Variants in ACADM observed in about 807,000 individuals in gnomAD.
ACADM encodes medium-chain specific acyl-CoA dehydrogenase, mitochondrial.
In ACADM, 49 loss-of-function variants were observed where a neutral mutation model predicts 58.9. The observed-to-expected ratio is 0.83, with a 90% CI of 0.66 to 1.06. The LOEUF is 1.06. Among genes scored for constraint, ACADM ranks in the 50% least tolerant of loss-of-function variants. The probability of loss-of-function intolerance (pLI) is 0.00; values close to 1 mark genes in which losing one functional copy is unlikely to be tolerated. For synonymous variants in ACADM, 160 were observed against 157.7 expected (o/e 1.01, Z -0.11); for missense variants, 496 against 507.0 (o/e 0.98, Z 0.21).
intron 10 of ACADM, among the ~76,000 whole-genome samples, chr1:75,754,105 A>C (rs1648362740): frequency 6.7e-6 from 1 of 149,236 alleles, no homozygotes; most frequent in African/African-American, 2.5e-5. Context: ...CTAGTTTTTC[A>C]TTTTTAATTG....
intron 8 of ACADM, among the ~76,000 whole-genome samples, chr1:75,746,943 T>TCA (rs754446520): frequency 1.8e-4 from 28 of 152,096 alleles, no homozygotes; most frequent in South Asian, 4.1e-4. Flanking sequence ...TATGAAGGTA[T>TCA]CCTAGGACCT....
At chr1:75,759,425 G>A (rs1648697166) in intron 10 of ACADM, among the ~76,000 whole-genome samples, 1 of 152,154 alleles carries the variant, frequency 6.6e-6, no homozygotes, top group South Asian at 2.1e-4. Context: ...AGATCCCAAG[G>A]AATTTAGGAG....
chr1:75,758,690 C>T (rs892870797), intron 10 of ACADM, among the ~76,000 whole-genome samples: 1 of 152,270 alleles, frequency 6.6e-6, no homozygotes, highest in East Asian at 1.9e-4. Flanking sequence ...CCAATCAGTG[C>T]TGTGTCTAGC....
chr1:75,728,908 G>T (rs1647098762), intron 2 of ACADM, among the ~76,000 whole-genome samples: 1 of 152,086 alleles, frequency 6.6e-6, no homozygotes, highest in African/African-American at 2.4e-5. Context: ...TTGCAATTTT[G>T]GTACTATTAG....
intron 10 of ACADM, among the ~76,000 whole-genome samples, chr1:75,759,717 A>G (rs1195991254): frequency 4.3e-5 from 6 of 139,838 alleles, no homozygotes; most frequent in Non-Finnish European, 7.5e-5. Flanking sequence ...GCTGGAGTGC[A>G]ATGGTGTGAT....
chr1:75,762,586 T>C, intron 11 of ACADM, 106 bp from the exon 12 acceptor site: 1 of 746,684 alleles, frequency 1.3e-6, no homozygotes, highest in Non-Finnish European at 2.4e-6. Flanking sequence ...ATGGTTTGAT[T>C]CGGTTTTATA....
intron 6 of ACADM, among the ~76,000 whole-genome samples, chr1:75,738,292 C>T (rs919942273): frequency 1.1e-4 from 16 of 151,738 alleles, no homozygotes; most frequent in Middle Eastern, 3.2e-3. Flanking sequence ...GGCACCATCT[C>T]GGCTCACTGC....
At chr1:75,753,393 GA>G (rs1359018493) in intron 10 of ACADM, among the ~76,000 whole-genome samples, 1 of 151,254 alleles carries the variant, frequency 6.6e-6, no homozygotes, top group Non-Finnish European at 1.5e-5. Flanking sequence ...GGCACTTAGA[GA>G]TTTCTGTTTC....
intron 2 of ACADM, among the ~76,000 whole-genome samples, chr1:75,731,402 A>G (rs1030819658): frequency 6.6e-6 from 1 of 151,690 alleles, no homozygotes; most frequent in Non-Finnish European, 1.5e-5. Context: ...AGTCTTAAAC[A>G]TTCCTCTGTG....
intron 7 of ACADM, chr1:75,744,537 T>A: frequency 6.6e-7 from 1 of 1,504,604 alleles, no homozygotes; most frequent in Non-Finnish European, 9.2e-7. Context: ...CTGTGACAGG[T>A]TCTGCAAACG....
At chr1:75,731,595 C>T (rs997916129) in intron 2 of ACADM, among the ~76,000 whole-genome samples, 1 of 152,142 alleles carries the variant, frequency 6.6e-6, no homozygotes, top group Non-Finnish European at 1.5e-5. Context: ...TAAAACAATC[C>T]CTTATTTTAT....
At chr1:75,738,401 T>C (rs1363242724) in intron 6 of ACADM, among the ~76,000 whole-genome samples, 3 of 151,954 alleles carry the variant, frequency 2.0e-5, no homozygotes, top group African/African-American at 7.3e-5. Flanking sequence ...TTTGTATTTT[T>C]AGTAGAGACA....
intron 8 of ACADM, among the ~76,000 whole-genome samples, chr1:75,747,162 G>A (rs1647947016): frequency 6.6e-6 from 1 of 152,050 alleles, no homozygotes; most frequent in South Asian, 2.1e-4. Flanking sequence ...TTGGCCAAAT[G>A]TATGGCCCAT....
At chr1:75,733,218 G>A in intron 4 of ACADM, 1 of 1,575,004 alleles carries the variant, frequency 6.3e-7, no homozygotes, top group Non-Finnish European at 8.6e-7. Flanking sequence ...ACATTTTATT[G>A]AGTCTTTTTT....
At chr1:75,752,384 A>G (rs545352423) in intron 10 of ACADM, among the ~76,000 whole-genome samples, 17 of 152,326 alleles carry the variant, frequency 1.1e-4, no homozygotes, top group Admixed American at 9.2e-4. Context: ...AATTGCTGTA[A>G]AAGTGTCTAA....
At chr1:75,751,699 A>G (rs2100423785) in intron 10 of ACADM, among the ~76,000 whole-genome samples, 1 of 151,968 alleles carries the variant, frequency 6.6e-6, no homozygotes, top group South Asian at 2.1e-4. Context: ...GGGTTCCCTT[A>G]TGTTGGCCAG....
At chr1:75,731,878 AAT>A (rs1647154578) in intron 2 of ACADM, among the ~76,000 whole-genome samples, 1 of 152,124 alleles carries the variant, frequency 6.6e-6, no homozygotes, top group Admixed American at 6.6e-5. Context: ...AAAAAAATGA[AAT>A]AGATAGGGTG....
intron 2 of ACADM, among the ~76,000 whole-genome samples, chr1:75,730,750 C>G (rs1300247870): frequency 6.6e-6 from 1 of 152,000 alleles, no homozygotes; most frequent in Non-Finnish European, 1.5e-5. Context: ...TGGCCCCAAA[C>G]TCCTGGCCTC....
At chr1:75,756,870 A>C (rs1648536882) in intron 10 of ACADM, among the ~76,000 whole-genome samples, 1 of 152,140 alleles carries the variant, frequency 6.6e-6, no homozygotes, top group Non-Finnish European at 1.5e-5. Context: ...ATATATAGAC[A>C]AATGGAACAG....
Sources: allele counts gnomAD v4.1 joint callset (sites outside exome capture counted in the v4.1 genomes callset), GRCh38; gene constraint gnomAD v4.1.1; transcripts MANE v1.5; gene names NCBI Gene and HGNC (gene_info 2026-07-23, HGNC 2026-07-21).